Variants in ITIH4 observed in about 807,000 individuals in gnomAD.
The protein encoded by ITIH4 is inter-alpha-trypsin inhibitor heavy chain H4.
ITIH4 carries 79 observed loss-of-function variants against 111.8 expected under a neutral mutation model. The observed-to-expected ratio is 0.71, with a 90% CI of 0.59 to 0.85. The LOEUF is 0.85. Among genes scored for constraint, ITIH4 ranks in the 40% least tolerant of loss-of-function variants. ITIH4 has a pLI of 0.00. For synonymous variants in ITIH4, 472 were observed against 468.3 expected (o/e 1.01, Z -0.10); for missense variants, 1,065 against 1,195.8 (o/e 0.89, Z 1.61).
At chr3:52,816,289 C>T (rs1409999142) in intron 21 of ITIH4, among the ~76,000 whole-genome samples, 1 of 152,212 alleles carries the variant, frequency 6.6e-6, no homozygotes, top group African/African-American at 2.4e-5. Flanking sequence ...TGGCCTTCTG[C>T]CTCCATTATT....
Position 52,826,885 on chromosome 3 carries a change from A to C in ITIH4, c.425T>G (p.Phe142Cys). 6.2e-7 allele frequency: 1 copy of C among 1,614,088 alleles called. No individual in the cohort carries two copies. The highest frequency in any genetic ancestry group is 8.5e-7 in the Non-Finnish European group (1 of 1,180,018). Residue 142 changes from phenylalanine to cysteine, a missense_variant, in exon 4 of 24, where the codon TTT becomes TGT. Phe to Cys is a radical substitution (Grantham distance 205, BLOSUM62 -2). Coordinates refer to ENST00000266041, the MANE Select transcript of ITIH4 (RefSeq NM_002218.5). ...VSVAPNAKIT[F>C]ELVYEELLKR... is the part of the protein sequence containing the mutation. Reference sequence around the variant, plus strand: ...GAGCAGCTCCTCATAGACCAGCTCAAAGGTGATCTTGGCATTGGGAGCCAC... The same window carrying C: ...GAGCAGCTCCTCATAGACCAGCTCACAGGTGATCTTGGCATTGGGAGCCAC...
intron 1 of ITIH4, chr3:52,830,117 CATAGAT>C (rs1325194455): frequency 1.2e-5 from 4 of 347,626 alleles, no homozygotes; most frequent in African/African-American, 6.4e-5. Flanking sequence ...CTAAGCACTT[CATAGAT>C]ACAATGGGTT....
At position 52,824,976 on chromosome 3, in the gene ITIH4, C is replaced by T. The variant is rs1009365504; in HGVS notation, c.760-18G>A. The T allele has an allele frequency of 1.9e-6, 3 of 1,545,042 alleles. No individual in the cohort carries two copies. The highest frequency in any genetic ancestry group is 2.7e-6 in the Non-Finnish European group (3 of 1,125,026). The stretch of plus-strand genomic sequence containing the variant: ...TTCTCGATCTGTGGCCAGAGTGAGA[C>T]CCACCCAGGCCATCAGAGCTACAAT... On this transcript the variant is annotated intron_variant, in intron 6 of 23. Coordinates refer to ENST00000266041, the MANE Select transcript of ITIH4 (RefSeq NM_002218.5). The surrounding 1 kb of genome is among the most constrained non-coding windows in gnomAD (Gnocchi z 4.3).
intron 12 of ITIH4, 32 bp downstream of exon 12, chr3:52,820,959 C>T (rs756053264): frequency 2.1e-5 from 34 of 1,606,046 alleles, no homozygotes; most frequent in Admixed American, 6.7e-5. Flanking sequence ...TGCCCCCTAG[C>T]GACAGGCTTA....
At chr3:52,818,989 T>C in intron 17 of ITIH4, 1 of 290,230 alleles carries the variant, frequency 3.4e-6, no homozygotes, top group Non-Finnish European at 6.6e-6. Context: ...AGCGCTGTGA[T>C]GTGCATGCTT....
chr3:52,821,224 G>A lies in ITIH4; in HGVS notation c.1540-94C>T, dbSNP rs1700375713. ...GAGCTCTTCCATGATTGGGGCTGGG[G>A]CAGGTCCCACACACTGACTGTGGGG... On this transcript the variant is annotated intron_variant, in intron 11 of 23. Transcript: ENST00000266041. 2.0e-6 allele frequency: 3 copies of A among 1,466,370 alleles called. No homozygotes were observed. The South Asian group carries it at 3.8e-5, about 19-fold the overall frequency. 90.8% of individuals were successfully genotyped at this position (1,466,370 alleles called of 1,614,324 possible).
intron 17 of ITIH4, chr3:52,818,812 T>C (rs1700324529): frequency 6.1e-6 from 3 of 492,068 alleles, no homozygotes; most frequent in Admixed American, 3.6e-5. Flanking sequence ...CCTCCCTTCC[T>C]AGAAGGTTTC....
rs748166986 is a variant in ITIH4, at chr3:52,824,302, A to G, written c.1059T>C (p.Asn353=). ...ACTGCACAGCCATCAGCATTGCATC[A>G]TTGATGTTGGTCCCTGAGGAACACG... ...GIQALGGTNI[N]DAMLMAVQLL... is the part of the protein sequence containing the mutation. Residue 353 remains asparagine (N), a synonymous_variant, in exon 9 of 24, where the codon AAT becomes AAC. Transcript: ENST00000266041. This position sits in a 1 kb window ranked among gnomAD's most constrained non-coding sequence, Gnocchi z 4.3. The G allele has an allele frequency of 6.2e-7, 1 of 1,613,236 alleles. No homozygotes were observed.
At chr3:52,822,350 A>G (rs1227459726) in intron 11 of ITIH4, 1 of 149,114 alleles carries the variant, frequency 6.7e-6, no homozygotes, top group Non-Finnish European at 1.5e-5. Context: ...CTCAAAAAAT[A>G]AAAAAAAAAA....
chr3:52,819,740 A>C lies in ITIH4; in HGVS notation c.1951+14T>G. 6.2e-7 allele frequency: 1 copy of C among 1,613,734 alleles called. No individual in the cohort carries two copies. The highest frequency in any genetic ancestry group is 8.5e-7 in the Non-Finnish European group (1 of 1,179,718). Reference sequence around the variant, plus strand: ...GGATGTCATGCCTCCCCCTGGCAGAAACCCTCAAACTACCTTGTCTATTCC... The same window carrying C: ...GGATGTCATGCCTCCCCCTGGCAGACACCCTCAAACTACCTTGTCTATTCC... On this transcript the variant is annotated intron_variant, in intron 16 of 23. Transcript: ENST00000266041.
chr3:52,829,341 C>T lies in ITIH4; in HGVS notation c.91-62G>A. ...AATGCCACCTCAGCTCGGGGTGACG[C>T]TCTTCAAGAGTTGGCCCTGACTCTG... On this transcript the variant is annotated intron_variant, in intron 1 of 23. Coordinates refer to ENST00000266041, the MANE Select transcript of ITIH4 (RefSeq NM_002218.5). 2.6e-6 allele frequency: 4 copies of T among 1,523,604 alleles called. 1 individual carries two copies. The South Asian group carries it at 3.7e-5, about 14-fold the overall frequency. The allele number at this position is 1,523,604 out of a possible 1,614,324, so 94.4% of individuals were successfully genotyped here. A position where few individuals can be genotyped will look rare whatever the true frequency, so the allele number is the denominator to read the frequency against.
rs1194718581 is a variant in ITIH4 at position 52,824,669 on chromosome 3, G to C, written c.877-104C>G. 7.4e-7 allele frequency: 1 copy of C among 1,357,042 alleles called. No homozygotes were observed. Among genetic ancestry groups the C allele is most frequent in the Non-Finnish European group, 1.0e-6 (1 of 987,092 alleles). The allele number at this position is 1,357,042 out of a possible 1,614,324, so 84.1% of individuals were successfully genotyped here. A position where few individuals can be genotyped will look rare whatever the true frequency, so the allele number is the denominator to read the frequency against. ...CTCCTGTCTCAGGGGTGAGGTCATG[G>C]TATCTGCTCTAGGAACAGGGGCTGC... On this transcript the variant is annotated intron_variant, in intron 7 of 23. Coordinates refer to ENST00000266041, the MANE Select transcript of ITIH4 (RefSeq NM_002218.5). This position sits in a 1 kb window ranked among gnomAD's most constrained non-coding sequence, Gnocchi z 4.3.
chr3:52,825,943 G>C lies in ITIH4; in HGVS notation c.702C>G (p.Asp234Glu). Reference sequence around the variant, plus strand: ...CATCATAGCGGATAATGAGGTTGCCGTCCAGGACTGTTTCTTGCTGCTCTG... The same window carrying C: ...CATCATAGCGGATAATGAGGTTGCCCTCCAGGACTGTTTCTTGCTGCTCTG... Reference protein sequence around the residue: ...KSPEQQETVLDGNLIIRYDVD... With the variant: ...KSPEQQETVLEGNLIIRYDVD... Residue 234 changes from aspartate (D) to glutamate (E), a missense_variant, in exon 6 of 24, where the codon GAC (aspartate) becomes GAG (glutamate). Physicochemically the swap from Asp to Glu is conservative, Grantham distance 45. Transcript: ENST00000266041. 1 of 1,614,136 alleles carries C rather than the reference G, an allele frequency of 6.2e-7. No individual in the cohort carries two copies. Among genetic ancestry groups the C allele is most frequent in the Non-Finnish European group, 8.5e-7 (1 of 1,180,020 alleles).
At chr3:52,828,217 G>C (rs1302771587) in intron 2 of ITIH4, among the ~76,000 whole-genome samples, 1 of 152,244 alleles carries the variant, frequency 6.6e-6, no homozygotes, top group Non-Finnish European at 1.5e-5. Context: ...TGGGCTCTCA[G>C]CAGATGCCAC....
intron 1 of ITIH4, 49 bp from the exon 2 acceptor site, chr3:52,829,328 G>C (rs1700533469): frequency 1.9e-6 from 3 of 1,553,948 alleles, no homozygotes; most frequent in South Asian, 1.2e-5. Flanking sequence ...TGCCACCTCA[G>C]CTCGGGGTGA....
At chr3:52,819,370 C>T (rs202206858) in intron 17 of ITIH4, 23 bp downstream of exon 17, 61 of 1,613,566 alleles carry the variant, frequency 3.8e-5, no homozygotes, top group East Asian at 2.9e-4. Flanking sequence ...CCGAGGCCCT[C>T]GCAGGGCCGG....
At position 52,820,618 on chromosome 3, in the gene ITIH4, AC is replaced by A. The variant is rs145664123; in HGVS notation, c.1834+12del. On this transcript the variant is annotated intron_variant, in intron 13 of 23. Coordinates refer to ENST00000266041, the MANE Select transcript of ITIH4 (RefSeq NM_002218.5). ...TGCTACCTGGGAGGCTGAGATCTCA[AC>A]CCCACACCCACCGCCTTCCATGGGC... is the stretch of plus-strand genomic sequence containing the variant. The A allele has an allele frequency of 3.3e-4, 527 of 1,600,794 alleles. 4 individuals carry two copies. The East Asian group carries it at 9.1e-3, about 28-fold the overall frequency.
At chr3:52,820,551 C>T in intron 13 of ITIH4, 80 bp downstream of exon 13, 1 of 1,505,778 alleles carries the variant, frequency 6.6e-7, no homozygotes, top group Non-Finnish European at 9.0e-7. Context: ...GGGTCTTGGT[C>T]AGGATGCAGG....
intron 1 of ITIH4, chr3:52,830,303 G>C: frequency 1.7e-6 from 1 of 573,106 alleles, no homozygotes; most frequent in Non-Finnish European, 3.3e-6. Context: ...AAAGGCGGTA[G>C]AGCCAGGCTT....
Sources: gnomAD v4.1 joint callset for allele counts (sites outside exome capture counted in the v4.1 genomes callset) on GRCh38, gnomAD v4.1.1 for gene constraint, Gnocchi (gnomAD v3.1) non-coding constraint, MANE v1.5 for transcripts, NCBI Gene and HGNC (gene_info 2026-07-23, HGNC 2026-07-21) for gene names.